Variants in RIPOR1 observed in about 807,000 individuals in gnomAD.
RIPOR1 encodes the protein RHO family interacting cell polarization regulator 1.
In RIPOR1, 58 loss-of-function variants were observed where a neutral mutation model predicts 116.5. The ratio of observed to expected loss-of-function variants is 0.50; its 90% CI spans 0.40 to 0.62. The LOEUF (loss-of-function observed/expected upper bound fraction) is 0.62. Among genes scored for constraint, RIPOR1 ranks in the 20% least tolerant of loss-of-function variants. RIPOR1 has a pLI of 0.00. For missense variants in RIPOR1, 1,372 were observed against 1,586.2 expected (o/e 0.86, Z 2.29); for synonymous variants, 605 against 650.0 (o/e 0.93, Z 1.05).
chr16:67,523,149 A>G (rs1334066047), intron 1 of RIPOR1, among the ~76,000 whole-genome samples: 1 of 152,180 alleles, frequency 6.6e-6, no homozygotes, highest in Non-Finnish European at 1.5e-5. Flanking sequence ...CGCATAGCAC[A>G]TGCTCAATCC....
At chr16:67,526,347 A>G (rs2050539704), upstream of RIPOR1, among the ~76,000 whole-genome samples, 1 of 152,204 alleles carries the variant, frequency 6.6e-6, no homozygotes, top group Admixed American at 6.5e-5. Context: ...GGGGCCGCAG[A>G]ATAAGTGCAA....
rs1044425910 is a variant in RIPOR1 at position 67,543,619 on chromosome 16, C to T, written c.2600+150C>T. On this transcript the variant is annotated intron_variant, in intron 14 of 21. Transcript: ENST00000042381. The surrounding 1 kb of genome is among the most constrained non-coding windows in gnomAD (Gnocchi z 4.7). ...GGTGGAGCATGTGAGGACTGAGTTGCTGGCAGGTGCACCTGTGTCCACCCC... is the reference window on the plus strand; with the variant it reads ...GGTGGAGCATGTGAGGACTGAGTTGTTGGCAGGTGCACCTGTGTCCACCCC... 24 of 1,106,098 alleles carry T rather than the reference C, an allele frequency of 2.2e-5. No homozygotes were observed. The highest frequency in any genetic ancestry group is 3.1e-5 in the African/African-American group (2 of 64,722). The allele number at this position is 1,106,098 out of a possible 1,614,324, so 68.5% of individuals were successfully genotyped here. A position where few individuals can be genotyped will look rare whatever the true frequency, so the allele number is the denominator to read the frequency against.
Position 67,541,689 on chromosome 16 carries a change from T to G in RIPOR1, c.987T>G (p.Ser329=), listed in dbSNP as rs377549645. The change falls in exon 12 of 22, where the codon TCT becomes TCG. Residue 329 remains serine, a synonymous_variant. Coordinates refer to ENST00000042381, the MANE Select transcript of RIPOR1 (RefSeq NM_024519.4). The surrounding 1 kb of genome is among the most constrained non-coding windows in gnomAD (Gnocchi z 4.6). The stretch of plus-strand genomic sequence containing the variant: ...AGGATGACCAGCCCTCAGCTGCTTC[T>G]TCTGTCAACAAGGCCTCCACAGTCA... ...FDKDDQPSAA[S]SVNKASTVTK... 168 of 1,613,932 alleles carry G rather than the reference T, an allele frequency of 1.0e-4. No homozygotes were observed. The highest frequency in any genetic ancestry group is 1.3e-4 in the Non-Finnish European group (157 of 1,179,972).
In RIPOR1 at chr16:67,546,610, T is replaced by C; in HGVS notation, c.*147T>C. 1 of 668,444 alleles carries C rather than the reference T, an allele frequency of 1.5e-6. No individual in the cohort carries two copies. Among genetic ancestry groups the C allele is most frequent in the Admixed American group, 2.7e-5 (1 of 36,652 alleles). 41.4% of individuals were successfully genotyped at this position (668,444 alleles called of 1,614,324 possible). A position where few individuals can be genotyped will look rare whatever the true frequency, so the allele number is the denominator to read the frequency against. On this transcript the variant is annotated 3_prime_UTR_variant, in exon 22 of 22. Transcript: ENST00000042381. ...ATCTAATATATTCTTCTGTTGCCCC[T>C]GGGGTTGGAGAGTCAGTGCCTGCAG... is the stretch of plus-strand genomic sequence containing the variant.
intron 1 of RIPOR1, among the ~76,000 whole-genome samples, chr16:67,518,996 C>T (rs1382169676): frequency 3.3e-5 from 5 of 152,214 alleles, no homozygotes; most frequent in Admixed American, 6.5e-5. Context: ...TTCAACTGTA[C>T]GGCCCAGGCC....
At position 67,545,348 on chromosome 16, in the gene RIPOR1, C is replaced by T. The variant is rs774840750; in HGVS notation, c.3032-28C>T. ...TCTAAAAGCTGTGTTCACCCAAACT[C>T]TGAGGCCCATGCTACTGCCTCCTGC... On this transcript the variant is annotated intron_variant, in intron 17 of 21. Transcript: ENST00000042381. The surrounding 1 kb of genome is among the most constrained non-coding windows in gnomAD (Gnocchi z 4.8). 2 of 1,605,818 alleles carry T rather than the reference C, an allele frequency of 1.2e-6. No homozygotes were observed. The highest frequency in any genetic ancestry group is 1.7e-5 in the Admixed American group (1 of 58,922).
upstream of RIPOR1, among the ~76,000 whole-genome samples, chr16:67,527,455 T>G (rs955766933): frequency 3.5e-5 from 5 of 143,624 alleles, no homozygotes; most frequent in African/African-American, 1.3e-4. Context: ...GGCTGGAGAG[T>G]GGAGAACTGT....
At position 67,538,688 on chromosome 16, in the gene RIPOR1, A is replaced by G; in HGVS notation, c.121A>G (p.Ser41Gly). The G allele has an allele frequency of 6.2e-7, 1 of 1,612,982 alleles. No homozygotes were observed. The part of the protein sequence containing the change: ...ERGPRSFPVF[S>G]PPGPPRKPPA... ...CTCCTTCAGGAGTTTCCCGGTCTTC[A>G]GCCCGCCGGGGCCCCCACGGAAGCC... Residue 41 changes from serine (S) to glycine (G), a missense_variant, in exon 3 of 22, where the codon AGC becomes GGC. Around this residue, in one of 3 missense-constraint regions of RIPOR1, gnomAD observed 165 missense variants for 145.5 expected, o/e 1.13. Transcript: ENST00000042381.
chr16:67,537,601 G>T lies in RIPOR1; in HGVS notation c.-23-823G>T. 7.1e-7 allele frequency: 1 copy of T among 1,417,458 alleles called. No homozygotes were observed. Among genetic ancestry groups the T allele is most frequent in the Non-Finnish European group, 9.2e-7 (1 of 1,084,446 alleles). 87.8% of individuals were successfully genotyped at this position (1,417,458 alleles called of 1,614,324 possible). The stretch of plus-strand genomic sequence containing the variant: ...ACCATGAACACCAAGAAGAGAGGTA[G>T]GACCCAGCTCGGGGCTGCGAAAGCT... On this transcript the variant is annotated intron_variant, in intron 1 of 21. Transcript: ENST00000042381. The surrounding 1 kb of genome is among the most constrained non-coding windows in gnomAD (Gnocchi z 4.6).
At chr16:67,539,214 C>CT in intron 4 of RIPOR1, 146 bp downstream of exon 4, 1 of 680,420 alleles carries the variant, frequency 1.5e-6, no homozygotes, top group Non-Finnish European at 2.4e-6. Context: ...GGCTGAGGGG[C>CT]TTTTCTATCC....
chr16:67,544,557 T>C lies in RIPOR1; in HGVS notation c.2733+126T>C. The C allele has an allele frequency of 6.5e-7, 1 of 1,530,296 alleles. No homozygotes were observed. The highest frequency in any genetic ancestry group is 8.9e-7 in the Non-Finnish European group (1 of 1,127,932). 94.8% of individuals were successfully genotyped at this position (1,530,296 alleles called of 1,614,324 possible). ...CCCCAGTGCCCCAGGGCCCTTGGCATCTGGCCCTTGCTGAATGGAGTATCT... is the reference window on the plus strand; with the variant it reads ...CCCCAGTGCCCCAGGGCCCTTGGCACCTGGCCCTTGCTGAATGGAGTATCT... On this transcript the variant is annotated intron_variant, in intron 15 of 21. Coordinates refer to ENST00000042381, the MANE Select transcript of RIPOR1 (RefSeq NM_024519.4). This position sits in a 1 kb window ranked among gnomAD's most constrained non-coding sequence, Gnocchi z 5.1.
At chr16:67,524,096 T>C (rs2142394109), upstream of RIPOR1, among the ~76,000 whole-genome samples, 1 of 152,314 alleles carries the variant, frequency 6.6e-6, no homozygotes, top group South Asian at 2.1e-4. Context: ...TTGTTTGTGT[T>C]TGCATTGTGT....
chr16:67,525,364 G>A (rs550855143), upstream of RIPOR1, among the ~76,000 whole-genome samples: 19 of 152,248 alleles, frequency 1.2e-4, no homozygotes, highest in South Asian at 3.5e-3. Flanking sequence ...GGGCACAGCC[G>A]ACATTCCACA....
At position 67,529,661 on chromosome 16, in the gene RIPOR1, C is replaced by CT. The variant is rs1342313626; in HGVS notation, c.-24+748dup. 8.3e-7 allele frequency: 1 copy of CT among 1,199,216 alleles called. No homozygotes were observed. The highest frequency in any genetic ancestry group is 2.6e-5 in the East Asian group (1 of 39,120). The allele number at this position is 1,199,216 out of a possible 1,614,324, so 74.3% of individuals were successfully genotyped here. A position where few individuals can be genotyped will look rare whatever the true frequency, so the allele number is the denominator to read the frequency against. ...GGGTGAGCCCTGAGTCCGGCCTCCC[C>CT]TACAGACCCTCCCCAGCCAGTTCTA... On this transcript the variant is annotated intron_variant, in intron 1 of 21. Coordinates refer to ENST00000042381, the MANE Select transcript of RIPOR1 (RefSeq NM_024519.4). This position sits in a 1 kb window ranked among gnomAD's most constrained non-coding sequence, Gnocchi z 4.1.
At chr16:67,532,089 T>C (rs2050677412) in intron 1 of RIPOR1, among the ~76,000 whole-genome samples, 3 of 151,510 alleles carry the variant, frequency 2.0e-5, no homozygotes, top group South Asian at 2.1e-4. Context: ...TTAGTAGATA[T>C]GGGGTTTCAC....
rs548951737 is a variant in RIPOR1 at position 67,530,321 on chromosome 16, T to C, written c.-24+1407T>C. Among the ~76,000 whole-genome samples the C allele has an allele frequency of 1.3e-5, 2 of 152,114 alleles. No individual in the cohort carries two copies. Among genetic ancestry groups the C allele is most frequent in the African/African-American group, 4.8e-5 (2 of 41,514 alleles). On this transcript the variant is annotated intron_variant, in intron 1 of 21. Transcript: ENST00000042381. The surrounding 1 kb of genome is among the most constrained non-coding windows in gnomAD (Gnocchi z 4.5). ...GACCAGGGAGGGGGCCGGCAGGAAGTGAGGCCACCCGACAGCCTCCGCCCG... is the reference window on the plus strand; with the variant it reads ...GACCAGGGAGGGGGCCGGCAGGAAGCGAGGCCACCCGACAGCCTCCGCCCG...
intron 2 of RIPOR1, 34 bp from the exon 3 acceptor site, chr16:67,538,635 CCTG>C: frequency 6.2e-7 from 1 of 1,610,160 alleles, no homozygotes; most frequent in South Asian, 1.1e-5. Flanking sequence ...CTGGGGGACT[CCTG>C]CTCTCCTCTT....
Position 67,545,058 on chromosome 16 carries a change from C to T in RIPOR1, c.2972C>T (p.Thr991Ile), listed in dbSNP as rs776643792. The change falls in exon 17 of 22, where the codon ACC becomes ATC. Residue 991 changes from threonine (T) to isoleucine (I), a missense_variant. Physicochemically the swap from Thr to Ile is moderately conservative, Grantham distance 89. Coordinates refer to ENST00000042381, the MANE Select transcript of RIPOR1 (RefSeq NM_024519.4). The surrounding 1 kb of genome is among the most constrained non-coding windows in gnomAD (Gnocchi z 4.8). ...FLCPVERVLL[T>I]FCNQYGARLS... ...TGCCCGGTGGAGCGGGTGCTTCTCACCTTCTGCAACCAGTATGGTGCCCGC... is the reference window on the plus strand; with the variant it reads ...TGCCCGGTGGAGCGGGTGCTTCTCATCTTCTGCAACCAGTATGGTGCCCGC... 1.2e-6 allele frequency: 2 copies of T among 1,613,224 alleles called. No homozygotes were observed. The highest frequency in any genetic ancestry group is 1.1e-5 in the South Asian group (1 of 91,084).
At position 67,541,982 on chromosome 16, in the gene RIPOR1, C is replaced by T; in HGVS notation, c.1196C>T (p.Ala399Val). The change falls in exon 13 of 22, where the codon GCC becomes GTC. Residue 399 changes from alanine (A) to valine (V), a missense_variant. This residue lies in a region of RIPOR1 where 1,005 missense variants were observed against 1,144.7 expected (regional missense o/e 0.88). Coordinates refer to ENST00000042381, the MANE Select transcript of RIPOR1 (RefSeq NM_024519.4). This position sits in a 1 kb window ranked among gnomAD's most constrained non-coding sequence, Gnocchi z 4.6. ...TCAGGCACTGCCCGCCACTCACCAG[C>T]CCCTAGGCCCCTGGTGCAGCAGCCC... ...QLSGTARHSP[A>V]PRPLVQQPEP... The T allele has an allele frequency of 1.2e-6, 2 of 1,612,344 alleles. No homozygotes were observed. The highest frequency in any genetic ancestry group is 2.2e-5 in the East Asian group (1 of 44,880).
Sources: allele counts gnomAD v4.1 joint callset (sites outside exome capture counted in the v4.1 genomes callset), GRCh38; gene constraint gnomAD v4.1.1; regional missense constraint gnomAD v4.1.1; non-coding constraint Gnocchi (gnomAD v3.1); transcripts MANE v1.5; gene names NCBI Gene and HGNC (gene_info 2026-07-23, HGNC 2026-07-21).